The following NAV3 variants were observed in gnomAD, a reference collection of about 807,000 sequenced individuals.
The protein encoded by NAV3 is pore membrane and/or filament interacting like protein 1.
A neutral mutation model predicts 244.7 loss-of-function variants in NAV3; 87 were observed. The ratio of observed to expected loss-of-function variants is 0.36; its 90% CI spans 0.30 to 0.42. The LOEUF (loss-of-function observed/expected upper bound fraction) is 0.42, where lower values mean the gene tolerates loss of function less well. Among genes scored for constraint, NAV3 ranks in the 20% least tolerant of loss-of-function variants. The pLI, the probability that NAV3 is intolerant of heterozygous loss-of-function variation, is 1.00. For synonymous variants in NAV3, 1,126 were observed against 1,042.2 expected (o/e 1.08, Z -1.55); for missense variants, 2,663 against 2,893.3 (o/e 0.92, Z 1.83).
At chr12:77,962,413 A>G (rs1892107299) in intron 3 of NAV3, among the ~76,000 whole-genome samples, 2 of 152,108 alleles carry the variant, frequency 1.3e-5, no homozygotes, top group African/African-American at 2.4e-5. Flanking sequence ...TCCATTCATG[A>G]TCTTTTCCAT....
Position 77,831,215 on chromosome 12 carries a change from G to A in NAV3, c.-247G>A, listed in dbSNP as rs1302845774. Reference sequence around the variant, plus strand: ...AGAGACAGAGAGAGAGAGAGAGAGAGAGAAAGAGAGAGAGAGAGAGAATGA... The same window carrying A: ...AGAGACAGAGAGAGAGAGAGAGAGAAAGAAAGAGAGAGAGAGAGAGAATGA... On this transcript the variant is annotated 5_prime_UTR_variant, in exon 1 of 40. Transcript: ENST00000397909. 7 of 286,528 alleles carry A rather than the reference G, an allele frequency of 2.4e-5. No individual in the cohort carries two copies. The highest frequency in any genetic ancestry group is 1.5e-4 in the East Asian group (2 of 13,454). 17.7% of individuals were successfully genotyped at this position (286,528 alleles called of 1,614,324 possible). A position where few individuals can be genotyped will look rare whatever the true frequency, so the allele number is the denominator to read the frequency against.
intron 1 of NAV3, among the ~76,000 whole-genome samples, chr12:77,911,957 C>T (rs141596373): frequency 6.4e-4 from 97 of 152,178 alleles, no homozygotes; most frequent in African/African-American, 2.1e-3. Context: ...CTTTACCTCA[C>T]ATTTGCTGTG....
chr12:78,203,389 A>G (rs942181054), intron 38 of NAV3, among the ~76,000 whole-genome samples: 1 of 152,156 alleles, frequency 6.6e-6, no homozygotes, highest in Admixed American at 6.6e-5. Flanking sequence ...TATATGTTAC[A>G]TCTATAAAGT....
At chr12:78,153,818 T>C (rs1453245753) in intron 22 of NAV3, among the ~76,000 whole-genome samples, 1 of 151,964 alleles carries the variant, frequency 6.6e-6, no homozygotes, top group Non-Finnish European at 1.5e-5. Flanking sequence ...TAAAATTTGC[T>C]AGTTACTCTT....
chr12:77,847,130 C>T lies in NAV3; in HGVS notation c.243+15426C>T, dbSNP rs41487648. On this transcript the variant is annotated intron_variant, in intron 1 of 39. Coordinates refer to ENST00000397909, the MANE Select transcript of NAV3 (RefSeq NM_001024383.2). ...GTATGCTTCTCCTCTGTAAGACAGACAGGATGTGGTCTAGGAGAAAGTCCA... is the reference window on the plus strand; with the variant it reads ...GTATGCTTCTCCTCTGTAAGACAGATAGGATGTGGTCTAGGAGAAAGTCCA... 3.3e-3 allele frequency among the ~76,000 whole-genome samples: 510 copies of T among 152,252 alleles called. 6 individuals carry two copies. The highest frequency in any genetic ancestry group is 0.012 in the African/African-American group (489 of 41,548).
intron 2 of NAV3, among the ~76,000 whole-genome samples, chr12:77,628,742 T>C (rs1476453817): frequency 6.6e-6 from 1 of 151,304 alleles, no homozygotes; most frequent in Non-Finnish European, 1.5e-5. Flanking sequence ...ATACAAAAAA[T>C]TAGCCGGGCA....
At chr12:77,738,290 C>T (rs1214974295) in intron 2 of NAV3, among the ~76,000 whole-genome samples, 1 of 152,158 alleles carries the variant, frequency 6.6e-6, no homozygotes, top group Non-Finnish European at 1.5e-5. Flanking sequence ...AATGCCAAAT[C>T]CTATGGATTT....
chr12:77,991,352 G>T (rs1426411599), intron 5 of NAV3, among the ~76,000 whole-genome samples: 3 of 152,002 alleles, frequency 2.0e-5, no homozygotes, highest in Non-Finnish European at 2.9e-5. Context: ...GACAAGAGTA[G>T]GCAAATTTCC....
chr12:77,768,062 G>A (rs1869871005), intron 2 of NAV3, among the ~76,000 whole-genome samples: 1 of 152,226 alleles, frequency 6.6e-6, no homozygotes, highest in Non-Finnish European at 1.5e-5. Flanking sequence ...CAACAAGTGT[G>A]CAGCCCTCAG....
intron 5 of NAV3, among the ~76,000 whole-genome samples, chr12:77,978,744 G>T (rs1868967179): frequency 6.6e-6 from 1 of 151,656 alleles, no homozygotes; most frequent in Non-Finnish European, 1.5e-5. Flanking sequence ...AATTAATAAA[G>T]TCAGTAACTA....
At position 78,180,951 on chromosome 12, in the gene NAV3, G is replaced by A. The variant is rs200326115; in HGVS notation, c.5598G>A (p.Pro1866=). The A allele has an allele frequency of 1.4e-5, 22 of 1,613,210 alleles. No individual in the cohort carries two copies. Among genetic ancestry groups the A allele is most frequent in the East Asian group, 6.7e-5 (3 of 44,794 alleles). The change falls in exon 30 of 40, where the codon CCG becomes CCA. Residue 1866 remains proline (P), a synonymous_variant. Transcript: ENST00000397909. ...TGNTAKPTRP[P]SESSSSTSSS... ...ACACAGCTAAGCCTACTCGGCCACCGTCAGAATCCTCAAGCAGCACCTCCT... is the reference window on the plus strand; with the variant it reads ...ACACAGCTAAGCCTACTCGGCCACCATCAGAATCCTCAAGCAGCACCTCCT...
At chr12:78,132,691 C>A (rs1455278513) in intron 18 of NAV3, among the ~76,000 whole-genome samples, 2 of 151,868 alleles carry the variant, frequency 1.3e-5, no homozygotes, top group Non-Finnish European at 2.9e-5. Flanking sequence ...TTTTTTTTAT[C>A]CTAAACCCTT....
chr12:77,940,267 G>T, intron 1 of NAV3, 52 bp from the exon 2 acceptor site: 5 of 1,300,446 alleles, frequency 3.8e-6, no homozygotes, highest in Middle Eastern at 3.7e-4. Context: ...GCATTTTATT[G>T]TCTCTGTTTT....
At chr12:78,187,205 A>G (rs553521114) in intron 31 of NAV3, among the ~76,000 whole-genome samples, 13 of 151,948 alleles carry the variant, frequency 8.6e-5, no homozygotes, top group Non-Finnish European at 1.8e-4. Context: ...AATAATTTTG[A>G]TAACCATTTA....
At chr12:77,808,985 C>T (rs1872140970) in intron 2 of NAV3, among the ~76,000 whole-genome samples, 1 of 152,040 alleles carries the variant, frequency 6.6e-6, no homozygotes, top group African/African-American at 2.4e-5. Flanking sequence ...GAGGGGAAAA[C>T]CACCTACTCA....
At chr12:78,040,687 T>A (rs1159616956) in intron 9 of NAV3, among the ~76,000 whole-genome samples, 1 of 152,112 alleles carries the variant, frequency 6.6e-6, no homozygotes, top group Non-Finnish European at 1.5e-5. Flanking sequence ...GTTCTAGGAA[T>A]CTGTGTGAGG....
intron 2 of NAV3, among the ~76,000 whole-genome samples, chr12:77,682,143 C>G (rs1249398014): frequency 2.0e-5 from 3 of 152,110 alleles, no homozygotes; most frequent in Non-Finnish European, 2.9e-5. Context: ...TGCCACCCCC[C>G]ACCTCGCCCC....
intron 4 of NAV3, among the ~76,000 whole-genome samples, chr12:77,966,893 C>CT: frequency 6.6e-6 from 1 of 152,076 alleles, no homozygotes; most frequent in Non-Finnish European, 1.5e-5. Context: ...TGACATTGAT[C>CT]TTTTTTCTGA....
intron 2 of NAV3, among the ~76,000 whole-genome samples, chr12:77,590,307 C>A (rs1869848260): frequency 6.6e-6 from 1 of 152,068 alleles, no homozygotes; most frequent in Non-Finnish European, 1.5e-5. Flanking sequence ...CAACAAAAGT[C>A]CGATAAAGTG....
Sources: allele counts gnomAD v4.1 joint callset (sites outside exome capture counted in the v4.1 genomes callset), GRCh38; gene constraint gnomAD v4.1.1; transcripts MANE v1.5; gene names NCBI Gene and HGNC (gene_info 2026-07-23, HGNC 2026-07-21).